The following KCNH5 variants were observed in gnomAD, a reference collection of about 807,000 sequenced individuals.
KCNH5 encodes potassium voltage-gated channel subfamily H member 5.
KCNH5 carries 46 observed loss-of-function variants against 96.1 expected under a neutral mutation model. The ratio of observed to expected loss-of-function variants is 0.48; its 90% confidence interval spans 0.38 to 0.61. The LOEUF (loss-of-function observed/expected upper bound fraction) is 0.61. Ranked by LOEUF, KCNH5 falls within the 20% of genes least tolerant of loss-of-function variation. KCNH5 has a pLI of 0.00. For synonymous variants in KCNH5, 439 were observed against 449.8 expected, an observed-to-expected ratio of 0.98 and a Z score of 0.30; for missense variants, 907 against 1,225.8, an observed-to-expected ratio of 0.74 and a Z score of 3.88.
chr14:62,838,088 G>C (rs565183584), intron 8 of KCNH5, among the ~76,000 whole-genome samples: 1 of 152,102 alleles, frequency 6.6e-6, no homozygotes, highest in East Asian at 1.9e-4. Context: ...CTTCTTCCTT[G>C]GCACCAAAAA....
chr14:62,946,251 G>A (rs1387595686), intron 7 of KCNH5, among the ~76,000 whole-genome samples: 2 of 151,920 alleles, frequency 1.3e-5, no homozygotes, highest in Admixed American at 6.6e-5. Flanking sequence ...TCCCAACTTC[G>A]GGGCCTCAGA....
At chr14:62,748,937 G>C (rs946286286) in intron 10 of KCNH5, among the ~76,000 whole-genome samples, 1 of 152,152 alleles carries the variant, frequency 6.6e-6, no homozygotes, top group African/African-American at 2.4e-5. Context: ...CTGGGCAGCT[G>C]TTGGAACCAA....
chr14:63,012,825 A>G (rs1299324544), intron 2 of KCNH5, among the ~76,000 whole-genome samples: 1 of 151,790 alleles, frequency 6.6e-6, no homozygotes, highest in Non-Finnish European at 1.5e-5. Context: ...GTGTGGTAGG[A>G]ATTAAATAGA....
chr14:62,877,540 G>C (rs1362509971), intron 7 of KCNH5, among the ~76,000 whole-genome samples: 3 of 152,178 alleles, frequency 2.0e-5, no homozygotes, highest in East Asian at 3.9e-4. Context: ...CGAAGGACAT[G>C]AACAGACATT....
At chr14:63,011,127 G>A (rs1467220063) in intron 2 of KCNH5, among the ~76,000 whole-genome samples, 2 of 152,094 alleles carry the variant, frequency 1.3e-5, no homozygotes, top group East Asian at 1.9e-4. Flanking sequence ...ATCTACAGTC[G>A]AAGGATCAAA....
intron 6 of KCNH5, among the ~76,000 whole-genome samples, chr14:62,962,706 C>T (rs1890235595): frequency 6.6e-6 from 1 of 152,092 alleles, no homozygotes; most frequent in Non-Finnish European, 1.5e-5. Context: ...TCAAATTGTA[C>T]AGACAATAAT....
chr14:62,793,104 T>C (rs1011094920), intron 9 of KCNH5, among the ~76,000 whole-genome samples: 10 of 151,718 alleles, frequency 6.6e-5, no homozygotes, highest in Non-Finnish European at 1.2e-4. Context: ...GTTACATTCA[T>C]AGAAGCAGAG....
intron 8 of KCNH5, among the ~76,000 whole-genome samples, chr14:62,811,172 T>G (rs12893269): frequency 0.14 from 21,265 of 152,124 alleles, 1,721 homozygotes; most frequent in Non-Finnish European, 0.18. Flanking sequence ...TCTTAGCAAA[T>G]ATTCTCAAGC....
chr14:62,886,578 T>C (rs531237927), intron 7 of KCNH5, among the ~76,000 whole-genome samples: 1 of 152,314 alleles, frequency 6.6e-6, no homozygotes, highest in Non-Finnish European at 1.5e-5. Context: ...ATATGCTATG[T>C]GAAATTCTTC....
chr14:62,699,650 A>G lies in KCNH5; in HGVS notation c.*7858T>C, dbSNP rs1273691226. On this transcript the variant is annotated 3_prime_UTR_variant, in exon 11 of 11. Transcript: ENST00000322893. ...CAAAATGACCATTTTTTGAGAACAA[A>G]CGTTAAATAAAGTGATAATCACCAC... 6.6e-6 allele frequency: 1 copy of G among 152,154 alleles called. No individual in the cohort carries two copies. Among genetic ancestry groups the G allele is most frequent in the Non-Finnish European group, 1.5e-5 (1 of 68,014 alleles). 9.4% of individuals were successfully genotyped at this position (152,154 alleles called of 1,614,324 possible). A position where few individuals can be genotyped will look rare whatever the true frequency, so the allele number is the denominator to read the frequency against.
chr14:62,848,392 T>C (rs1887739879), intron 8 of KCNH5, among the ~76,000 whole-genome samples: 1 of 152,216 alleles, frequency 6.6e-6, no homozygotes. Flanking sequence ...TTCTCCCTTC[T>C]GTTTTCATGC....
intron 7 of KCNH5, among the ~76,000 whole-genome samples, chr14:62,866,117 G>A (rs1888129713): frequency 6.6e-6 from 1 of 152,168 alleles, no homozygotes; most frequent in African/African-American, 2.4e-5. Context: ...TTGGAGAAAC[G>A]TTGAGTGTTG....
At chr14:62,828,176 A>C (rs1367251808) in intron 8 of KCNH5, among the ~76,000 whole-genome samples, 1 of 151,922 alleles carries the variant, frequency 6.6e-6, no homozygotes, top group East Asian at 1.9e-4. Flanking sequence ...GAAGTATTTT[A>C]ATATTTTAAA....
intron 10 of KCNH5, among the ~76,000 whole-genome samples, chr14:62,724,070 C>A (rs950907741): frequency 6.6e-6 from 1 of 152,128 alleles, no homozygotes; most frequent in African/African-American, 2.4e-5. Context: ...TTTAGATAAT[C>A]CAGAGGAGAC....
intron 7 of KCNH5, among the ~76,000 whole-genome samples, chr14:62,930,038 G>T (rs1889551223): frequency 6.6e-6 from 1 of 151,996 alleles, no homozygotes; most frequent in South Asian, 2.1e-4. Context: ...CACCATCGAT[G>T]GACACCTAGG....
chr14:62,895,229 T>C (rs1473656898), intron 7 of KCNH5, among the ~76,000 whole-genome samples: 1 of 152,178 alleles, frequency 6.6e-6, no homozygotes, highest in Non-Finnish European at 1.5e-5. Context: ...ACCTAGGAAA[T>C]TATAGAAAGA....
rs1421520206 is a variant in KCNH5 at position 62,704,655 on chromosome 14, A to C, written c.*2853T>G. The C allele has an allele frequency of 6.6e-6, 1 of 151,834 alleles. No homozygotes were observed. The highest frequency in any genetic ancestry group is 1.5e-5 in the Non-Finnish European group (1 of 67,820). 9.4% of individuals were successfully genotyped at this position (151,834 alleles called of 1,614,324 possible). ...GCTTTGGAAAATGTTTGGATTTCTA[A>C]TACATATCCATTTACTCCTATTAAT... On this transcript the variant is annotated 3_prime_UTR_variant, in exon 11 of 11. Transcript: ENST00000322893.
At chr14:62,737,024 A>G (rs1205606901) in intron 10 of KCNH5, among the ~76,000 whole-genome samples, 1 of 152,256 alleles carries the variant, frequency 6.6e-6, no homozygotes, top group African/African-American at 2.4e-5. Flanking sequence ...TTGGATATCC[A>G]TAAGCCTTGC....
chr14:62,799,737 AC>A (rs1595627759), intron 9 of KCNH5, among the ~76,000 whole-genome samples: 1 of 134,434 alleles, frequency 7.4e-6, no homozygotes, highest in East Asian at 2.2e-4. Flanking sequence ...ACACACACAC[AC>A]ACACACATAT....
Sources: allele counts gnomAD v4.1 joint callset (sites outside exome capture counted in the v4.1 genomes callset), GRCh38; gene constraint gnomAD v4.1.1; transcripts MANE v1.5; gene names NCBI Gene and HGNC (gene_info 2026-07-23, HGNC 2026-07-21).